The following SWAP70 variants were observed in gnomAD, a reference collection of about 807,000 sequenced individuals.
SWAP70 encodes the protein switching B cell complex subunit SWAP70.
Under a neutral mutation model 80.2 loss-of-function variants are expected in SWAP70, and 34 were observed. That is an observed-to-expected ratio of 0.42 (90% CI 0.32 to 0.56). The LOEUF (loss-of-function observed/expected upper bound fraction) is 0.56. SWAP70 is among the 20% of genes least tolerant of loss of function. The pLI is 0.09. For missense variants in SWAP70, 578 were observed against 690.7 expected (o/e 0.84, Z 1.83); for synonymous variants, 239 against 238.5 (o/e 1.00, Z -0.02).
intron 9 of SWAP70, among the ~76,000 whole-genome samples, chr11:9,742,639 G>A (rs954043806): frequency 6.6e-6 from 1 of 152,054 alleles, no homozygotes; most frequent in East Asian, 1.9e-4. Context: ...CCGGCCTAGT[G>A]GTCATTTTTA....
At chr11:9,666,341 T>C (rs1250323303) in intron 1 of SWAP70, among the ~76,000 whole-genome samples, 2 of 152,042 alleles carry the variant, frequency 1.3e-5, no homozygotes, top group East Asian at 3.8e-4. Context: ...CCTCCTTGGT[T>C]TCATGAAGTG....
chr11:9,741,192 T>C (rs1851434088), intron 9 of SWAP70: 1 of 152,222 alleles, frequency 6.6e-6, no homozygotes, highest in African/African-American at 2.4e-5. Flanking sequence ...AAAAGATGTT[T>C]CTTTAATCTT....
intron 5 of SWAP70, 65 bp downstream of exon 5, chr11:9,728,264 T>C: frequency 7.0e-7 from 1 of 1,429,818 alleles, no homozygotes; most frequent in Non-Finnish European, 9.3e-7. Context: ...AAGTAGCTTC[T>C]CACCTTCTTC....
At position 9,671,789 on chromosome 11, in the gene SWAP70, T is replaced by TA. The variant is rs1407483235; in HGVS notation, c.99+7511_99+7512insA. ...ATAATATAAATATAATATATTATTA[T>TA]TTATAAATATATATAAATATAAATA... On this transcript the variant is annotated intron_variant, in intron 1 of 11. Coordinates refer to ENST00000318950, the MANE Select transcript of SWAP70 (RefSeq NM_015055.4). Among the ~76,000 whole-genome samples the TA allele has an allele frequency of 1.7e-4, 16 of 94,468 alleles. No homozygotes were observed. In the Admixed American group the frequency reaches 2.2e-3, roughly 13 times the overall value. 62.0% of individuals were successfully genotyped at this position (94,468 alleles called of 152,430 possible).
At chr11:9,673,312 A>T (rs542872568) in intron 1 of SWAP70, among the ~76,000 whole-genome samples, 1 of 152,314 alleles carries the variant, frequency 6.6e-6, no homozygotes, top group South Asian at 2.1e-4. Flanking sequence ...CTGATTTATT[A>T]CAGAATATAT....
At chr11:9,696,974 T>C (rs1850766224) in intron 2 of SWAP70, among the ~76,000 whole-genome samples, 2 of 152,248 alleles carry the variant, frequency 1.3e-5, no homozygotes, top group African/African-American at 2.4e-5. Context: ...CATTTTGGGA[T>C]GCTGAGGTGA....
chr11:9,724,591 C>T, intron 3 of SWAP70, 67 bp from the exon 4 acceptor site: 3 of 1,212,790 alleles, frequency 2.5e-6, no homozygotes, highest in Non-Finnish European at 3.5e-6. Context: ...GTGTTTATAA[C>T]ATAAATACAT....
chr11:9,740,325 A>G lies in SWAP70; in HGVS notation c.1333A>G (p.Thr445Ala), dbSNP rs199561311. 3.1e-6 allele frequency: 5 copies of G among 1,614,222 alleles called. No homozygotes were observed. The highest frequency in any genetic ancestry group is 2.7e-5 in the African/African-American group (2 of 75,048). ...GAGACAGGCCCGGCAAGATGAAGAG[A>G]CAGTGCGGAAGCTTCAGGCCAGGTG... ...DERQARQDEE[T>A]VRKLQARLLE... Residue 445 changes from threonine (T) to alanine (A), a missense_variant, in exon 9 of 12, where the codon ACA becomes GCA. Transcript: ENST00000318950.
chr11:9,704,063 A>G (rs2572938), intron 2 of SWAP70, among the ~76,000 whole-genome samples: 15,547 of 152,270 alleles, frequency 0.1, 1,539 homozygotes, highest in African/African-American at 0.25. Flanking sequence ...GTACAGTAAA[A>G]TAGTTGTGAA....
At position 9,683,517 on chromosome 11, in the gene SWAP70, C is replaced by T. The variant is rs984518105; in HGVS notation, c.100-10629C>T. On this transcript the variant is annotated intron_variant, in intron 1 of 11. Transcript: ENST00000318950. ...TGATTCAGACTGCCAACTGCCAGAC[C>T]TTTGGGAGAGTGACTTGGCCAGAAG... 2.0e-5 allele frequency among the ~76,000 whole-genome samples: 3 copies of T among 152,146 alleles called. No homozygotes were observed. In the South Asian group the frequency reaches 6.2e-4, roughly 32 times the overall value.
At chr11:9,668,202 T>G (rs762842027) in intron 1 of SWAP70, among the ~76,000 whole-genome samples, 2 of 152,258 alleles carry the variant, frequency 1.3e-5, no homozygotes, top group Admixed American at 6.5e-5. Context: ...TTTCACACTT[T>G]AAAGCCAATG....
chr11:9,734,811 G>T (rs11042488), intron 7 of SWAP70, among the ~76,000 whole-genome samples: 1 of 151,850 alleles, frequency 6.6e-6, no homozygotes, highest in African/African-American at 2.4e-5. Context: ...TTTTAATAGA[G>T]ATGAGGTTTT....
At chr11:9,718,100 G>T (rs908709236) in intron 3 of SWAP70, among the ~76,000 whole-genome samples, 1 of 152,224 alleles carries the variant, frequency 6.6e-6, no homozygotes, top group Non-Finnish European at 1.5e-5. Context: ...CTTCACCTTT[G>T]CAGGCTAACA....
Position 9,713,454 on chromosome 11 carries a change from A to G in SWAP70, c.241-12A>G, listed in dbSNP as rs766527528. The G allele has an allele frequency of 6.2e-7, 1 of 1,604,128 alleles. No individual in the cohort carries two copies. Among genetic ancestry groups the G allele is most frequent in the Non-Finnish European group, 8.5e-7 (1 of 1,176,428 alleles). On this transcript the variant is annotated splice_polypyrimidine_tract_variant and intron_variant, in intron 2 of 11. Transcript: ENST00000318950. Reference sequence around the variant, plus strand: ...GACTGATTTGTTGGAGTTTTTCCTTATTCCTTTTTAGGTCCAAGACAACTT... The same window carrying G: ...GACTGATTTGTTGGAGTTTTTCCTTGTTCCTTTTTAGGTCCAAGACAACTT...
Position 9,724,756 on chromosome 11 carries a change from T to C in SWAP70, c.513T>C (p.Asn171=). 1 of 1,614,154 alleles carries C rather than the reference T, an allele frequency of 6.2e-7. No individual in the cohort carries two copies. Among genetic ancestry groups the C allele is most frequent in the Non-Finnish European group, 8.5e-7 (1 of 1,180,004 alleles). ...HYKINFDDSK[N]GLSAWELIEL... ...AAATCAACTTTGATGACAGTAAAAA[T>C]GGCCTTTCTGCATGGGAACTTATTG... Residue 171 remains asparagine, a synonymous_variant, in exon 4 of 12, where the codon AAT becomes AAC. Coordinates refer to ENST00000318950, the MANE Select transcript of SWAP70 (RefSeq NM_015055.4).
At chr11:9,707,055 T>C (rs927426236) in intron 2 of SWAP70, among the ~76,000 whole-genome samples, 44 of 152,182 alleles carry the variant, frequency 2.9e-4, no homozygotes, top group African/African-American at 1.0e-3. Flanking sequence ...AAACCCAAGA[T>C]TGAATTTCTT....
At position 9,664,287 on chromosome 11, in the gene SWAP70, C is replaced by T. The variant is rs1274148801; in HGVS notation, c.99+9C>T. The T allele has an allele frequency of 2.6e-6, 4 of 1,559,330 alleles. No homozygotes were observed. The highest frequency in any genetic ancestry group is 3.5e-6 in the Non-Finnish European group (4 of 1,152,936). On this transcript the variant is annotated intron_variant, in intron 1 of 11. Coordinates refer to ENST00000318950, the MANE Select transcript of SWAP70 (RefSeq NM_015055.4). ...CCAAGTCCCAGCTCAAGGTGGGCGC[C>T]TCCTGACCCGGCCCCCCACCCGACC...
At chr11:9,749,411 T>C (rs893770239) in intron 11 of SWAP70, among the ~76,000 whole-genome samples, 2 of 152,014 alleles carry the variant, frequency 1.3e-5, no homozygotes, top group African/African-American at 4.8e-5. Context: ...CACGACCGGC[T>C]AATTTTTTGT....
chr11:9,741,714 T>A (rs146182097), intron 9 of SWAP70: 1 of 152,206 alleles, frequency 6.6e-6, no homozygotes, highest in East Asian at 1.9e-4. Flanking sequence ...CTTAGTTATT[T>A]AGTGTTTATA....
Sources: allele counts gnomAD v4.1 joint callset (sites outside exome capture counted in the v4.1 genomes callset), GRCh38; gene constraint gnomAD v4.1.1; transcripts MANE v1.5; gene names NCBI Gene and HGNC (gene_info 2026-07-23, HGNC 2026-07-21).